The following TBC1D5 variants were observed in gnomAD, a reference collection of about 807,000 sequenced individuals.
The protein encoded by TBC1D5 is TBC1 domain family, member 5.
Under a neutral mutation model 100.3 loss-of-function variants are expected in TBC1D5, and 75 were observed. The observed-to-expected ratio is 0.75, with a 90% CI of 0.62 to 0.91. The LOEUF (loss-of-function observed/expected upper bound fraction) is 0.91, where lower values mean the gene tolerates loss of function less well. Ranked by LOEUF, TBC1D5 falls within the 40% of genes least tolerant of loss-of-function variation. The pLI is 0.00. For missense variants in TBC1D5, 910 were observed against 942.4 expected, an observed-to-expected ratio of 0.97 and a Z score of 0.45; for synonymous variants, 323 against 325.6, an observed-to-expected ratio of 0.99 and a Z score of 0.09.
chr3:17,287,760 AC>A (rs1488408710), intron 15 of TBC1D5, among the ~76,000 whole-genome samples: 1 of 152,180 alleles, frequency 6.6e-6, no homozygotes, highest in Non-Finnish European at 1.5e-5. Flanking sequence ...AATAATTAGA[AC>A]CTTGTGTCTC....
intron 2 of TBC1D5, among the ~76,000 whole-genome samples, chr3:17,593,271 T>A (rs73165752): frequency 0.051 from 7,751 of 152,104 alleles, 631 homozygotes; most frequent in African/African-American, 0.17. Context: ...ACACTCAGCC[T>A]CTTTCCCCAG....
intron 2 of TBC1D5, among the ~76,000 whole-genome samples, chr3:17,603,801 C>G (rs1193712886): frequency 6.6e-6 from 1 of 152,048 alleles, no homozygotes; most frequent in Non-Finnish European, 1.5e-5. Flanking sequence ...GCACGCACCA[C>G]GCCTAGCTAA....
intron 13 of TBC1D5, among the ~76,000 whole-genome samples, chr3:17,350,385 G>T (rs1660881190): frequency 6.6e-6 from 1 of 152,132 alleles, no homozygotes; most frequent in Non-Finnish European, 1.5e-5. Flanking sequence ...ATCCCAAACA[G>T]CAGTCACCTC....
intron 8 of TBC1D5, among the ~76,000 whole-genome samples, chr3:17,391,916 T>G (rs972632057): frequency 6.6e-5 from 10 of 152,128 alleles, no homozygotes; most frequent in African/African-American, 2.2e-4. Flanking sequence ...ATGTTACTTA[T>G]AGTAGAATGA....
rs140947246 is a variant in TBC1D5, at chr3:17,196,123, C to T, written c.1753-10915G>A. Among the ~76,000 whole-genome samples the T allele has an allele frequency of 1.6e-4, 25 of 152,246 alleles. No individual in the cohort carries two copies. The East Asian group carries it at 3.9e-3, about 23-fold the overall frequency. ...CTGGCACAGAAGATACAGTGACAAG[C>T]GCCTGCAAGAGCCTTATAAGTAAAC... On this transcript the variant is annotated intron_variant, in intron 18 of 21. Coordinates refer to ENST00000253692, the Ensembl canonical transcript of TBC1D5.
intron 17 of TBC1D5, among the ~76,000 whole-genome samples, chr3:17,217,541 G>A (rs1367052246): frequency 6.6e-6 from 1 of 151,962 alleles, no homozygotes; most frequent in African/African-American, 2.4e-5. Flanking sequence ...CACTTACTAT[G>A]AGCTATCTTT....
chr3:17,535,337 G>T (rs898864059), intron 2 of TBC1D5, among the ~76,000 whole-genome samples: 27 of 152,148 alleles, frequency 1.8e-4, no homozygotes, highest in Non-Finnish European at 3.1e-4. Flanking sequence ...CAGAGGGCAG[G>T]AATCAGGCCC....
chr3:17,455,089 A>G (rs1051987917), intron 3 of TBC1D5, among the ~76,000 whole-genome samples: 1 of 150,366 alleles, frequency 6.7e-6, no homozygotes, highest in Non-Finnish European at 1.5e-5. Context: ...AGTAGAAAAA[A>G]CTGTCCTAAA....
chr3:17,593,884 G>A (rs1484319175), intron 2 of TBC1D5, among the ~76,000 whole-genome samples: 1 of 152,172 alleles, frequency 6.6e-6, no homozygotes, highest in East Asian at 1.9e-4. Flanking sequence ...TGTATGCTCT[G>A]AATCGGCGTC....
At position 17,391,606 on chromosome 3, in the gene TBC1D5, G is replaced by C. The variant is rs190422853; in HGVS notation, c.510-7591C>G. The stretch of plus-strand genomic sequence containing the variant: ...AAATATGTGGTAGAAGTGCCTATGG[G>C]ACTGGATAGAAGACAGAAGGACCTT... On this transcript the variant is annotated intron_variant, in intron 8 of 21. Transcript: ENST00000253692. 9.0e-4 allele frequency among the ~76,000 whole-genome samples: 137 copies of C among 152,166 alleles called. 1 individual carries two copies. The highest frequency in any genetic ancestry group is 1.6e-3 in the Non-Finnish European group (112 of 67,974).
intron 19 of TBC1D5, among the ~76,000 whole-genome samples, chr3:17,175,649 G>A (rs140582278): frequency 6.6e-6 from 1 of 152,302 alleles, no homozygotes. Flanking sequence ...TTGCCATCAT[G>A]CCCTTACTTG....
At chr3:17,612,003 A>G (rs1218292196) in intron 2 of TBC1D5, among the ~76,000 whole-genome samples, 1 of 152,152 alleles carries the variant, frequency 6.6e-6, no homozygotes, top group Non-Finnish European at 1.5e-5. Context: ...AATATTAAGA[A>G]ATAAGAATTG....
At chr3:17,401,436 G>GA (rs919605654) in intron 8 of TBC1D5, among the ~76,000 whole-genome samples, 11 of 151,180 alleles carry the variant, frequency 7.3e-5, no homozygotes, top group Admixed American at 4.6e-4. Flanking sequence ...ATTTTTGTAA[G>GA]AAAAAAACAG....
At chr3:17,458,779 T>A (rs1248325704) in intron 3 of TBC1D5, among the ~76,000 whole-genome samples, 1 of 152,222 alleles carries the variant, frequency 6.6e-6, no homozygotes, top group Non-Finnish European at 1.5e-5. Context: ...TCACTACATC[T>A]CTGATCAGAA....
At chr3:17,619,617 A>G (rs2062480486) in intron 2 of TBC1D5, among the ~76,000 whole-genome samples, 2 of 152,244 alleles carry the variant, frequency 1.3e-5, no homozygotes, top group Non-Finnish European at 2.9e-5. Flanking sequence ...AGATCTAATC[A>G]TAAGAAAACT....
In TBC1D5 at chr3:17,455,830, C is replaced by T. The variant is rs1286058945; in HGVS notation, c.98-27311G>A. On this transcript the variant is annotated intron_variant, in intron 3 of 21. Coordinates refer to ENST00000253692, the Ensembl canonical transcript of TBC1D5. ...TCCAGCCTGGGTGAAAGAATGAGAC[C>T]CTGTCTCAAAAACAAAATAAAACAA... is the stretch of plus-strand genomic sequence containing the variant. Among the ~76,000 whole-genome samples, 3 of 151,968 alleles carry T rather than the reference C, an allele frequency of 2.0e-5. No homozygotes were observed. The East Asian group carries it at 5.8e-4, about 29-fold the overall frequency.
intron 8 of TBC1D5, among the ~76,000 whole-genome samples, chr3:17,394,556 T>C (rs948567398): frequency 6.6e-6 from 1 of 152,072 alleles, no homozygotes; most frequent in African/African-American, 2.4e-5. Flanking sequence ...ACAAAACATA[T>C]AAACTCAAGA....
At chr3:17,168,254 T>A (rs1171397096) in intron 19 of TBC1D5, among the ~76,000 whole-genome samples, 1 of 152,134 alleles carries the variant, frequency 6.6e-6, no homozygotes, top group Non-Finnish European at 1.5e-5. Flanking sequence ...TGACTGAAAT[T>A]AATAAAGAAA....
At position 17,375,532 on chromosome 3, in the gene TBC1D5, A is replaced by G. The variant is rs144988031; in HGVS notation, c.702-853T>C. ...CAGTGAGCCGAGATAGCACTGCTGC[A>G]TAGAGCAAGACTCTGTCTCAAAACA... On this transcript the variant is annotated intron_variant, in intron 10 of 21. Transcript: ENST00000253692. Among the ~76,000 whole-genome samples the G allele has an allele frequency of 4.8e-3, 727 of 152,154 alleles. 3 individuals carry two copies. The highest frequency in any genetic ancestry group is 0.016 in the African/African-American group (675 of 41,502).
Sources: allele counts gnomAD v4.1 joint callset (sites outside exome capture counted in the v4.1 genomes callset), GRCh38; gene constraint gnomAD v4.1.1; transcripts MANE v1.5; gene names NCBI Gene and HGNC (gene_info 2026-07-23, HGNC 2026-07-21).